Variants in IKZF3 observed in about 807,000 individuals in gnomAD.
The protein encoded by IKZF3 is IKAROS family zinc finger 3.
In IKZF3, 10 loss-of-function variants were observed where a neutral mutation model predicts 49.0. The ratio of observed to expected loss-of-function variants is 0.20; its 90% CI spans 0.13 to 0.35. The LOEUF is 0.35. Ranked by LOEUF, IKZF3 falls within the 10% of genes least tolerant of loss-of-function variation. The probability of loss-of-function intolerance (pLI) is 1.00; values close to 1 mark genes in which losing one functional copy is unlikely to be tolerated. For synonymous variants in IKZF3, 209 were observed against 228.2 expected, an observed-to-expected ratio of 0.92 and a Z score of 0.76; for missense variants, 498 against 664.8, an observed-to-expected ratio of 0.75 and a Z score of 2.76.
chr17:39,797,354 T>C (rs1277581155), intron 3 of IKZF3, among the ~76,000 whole-genome samples: 1 of 152,116 alleles, frequency 6.6e-6, no homozygotes, highest in East Asian at 1.9e-4. Flanking sequence ...TCCAACTTCT[T>C]TGTAATCCTC....
At chr17:39,779,917 G>T (rs1158229221) in intron 6 of IKZF3, among the ~76,000 whole-genome samples, 2 of 152,162 alleles carry the variant, frequency 1.3e-5, no homozygotes, top group Non-Finnish European at 2.9e-5. Flanking sequence ...AAAGCAAGTA[G>T]TGGCTGGCAC....
intron 1 of IKZF3, among the ~76,000 whole-genome samples, chr17:39,862,244 A>T (rs922701127): frequency 6.6e-6 from 1 of 151,992 alleles, no homozygotes; most frequent in Admixed American, 6.6e-5. Flanking sequence ...ATTAATTAAA[A>T]GATAAATGAA....
chr17:39,832,946 TTATA>T (rs1401832775), intron 1 of IKZF3, among the ~76,000 whole-genome samples: 1 of 152,188 alleles, frequency 6.6e-6, no homozygotes, highest in Admixed American at 6.5e-5. Context: ...GACTTGATTA[TTATA>T]TATTCTATGC....
chr17:39,859,820 C>A (rs1450909069), intron 1 of IKZF3, among the ~76,000 whole-genome samples: 2 of 152,168 alleles, frequency 1.3e-5, no homozygotes, highest in African/African-American at 4.8e-5. Flanking sequence ...ATTAATGAAT[C>A]CTTAGGACAA....
At chr17:39,792,381 A>C (rs2061046880) in intron 4 of IKZF3, among the ~76,000 whole-genome samples, 1 of 152,250 alleles carries the variant, frequency 6.6e-6, no homozygotes, top group South Asian at 2.1e-4. Flanking sequence ...CTAAGAAGCA[A>C]ATCACACAAT....
intron 3 of IKZF3, among the ~76,000 whole-genome samples, chr17:39,817,311 C>T (rs1161691573): frequency 1.3e-5 from 2 of 152,136 alleles, no homozygotes; most frequent in Non-Finnish European, 2.9e-5. Context: ...TTTCAAATGA[C>T]ATTAAAAAAT....
At position 39,760,620 on chromosome 17, in the gene IKZF3, G is replaced by A. The variant is rs2060161287; in HGVS notation, c.*5170C>T. On this transcript the variant is annotated 3_prime_UTR_variant, in exon 8 of 8. Transcript: ENST00000346872. ...ATTACAGGCGTGAGCCACCGCACCT[G>A]ACCCTCCTTAAAACATTCTAAACCT... is the stretch of plus-strand genomic sequence containing the variant. 2 of 152,312 alleles carry A rather than the reference G, an allele frequency of 1.3e-5. No individual in the cohort carries two copies. Among genetic ancestry groups the A allele is most frequent in the Non-Finnish European group, 2.9e-5 (2 of 68,150 alleles). 9.4% of individuals were successfully genotyped at this position (152,312 alleles called of 1,614,324 possible). A position where few individuals can be genotyped will look rare whatever the true frequency, so the allele number is the denominator to read the frequency against.
intron 1 of IKZF3, among the ~76,000 whole-genome samples, chr17:39,851,304 C>T (rs904846065): frequency 1.3e-5 from 2 of 152,022 alleles, no homozygotes; most frequent in Non-Finnish European, 2.9e-5. Context: ...GCTGGAATTA[C>T]AGGCGTGAGC....
chr17:39,839,784 C>T (rs1424341518), intron 1 of IKZF3, among the ~76,000 whole-genome samples: 1 of 151,880 alleles, frequency 6.6e-6, no homozygotes, highest in Non-Finnish European at 1.5e-5. Flanking sequence ...CTTAGCCTCT[C>T]GAGTAGCTGG....
chr17:39,832,404 G>A (rs572103657), intron 1 of IKZF3, among the ~76,000 whole-genome samples: 47 of 151,682 alleles, frequency 3.1e-4, no homozygotes, highest in South Asian at 6.2e-4. Context: ...TATGCAAAAA[G>A]TGGGTTCCAT....
At chr17:39,851,185 C>G (rs1333005916) in intron 1 of IKZF3, among the ~76,000 whole-genome samples, 1 of 151,362 alleles carries the variant, frequency 6.6e-6, no homozygotes. Context: ...ATGACTAGGC[C>G]TGGCTGATTT....
At chr17:39,793,140 A>C (rs1351323724) in intron 3 of IKZF3, among the ~76,000 whole-genome samples, 1 of 152,228 alleles carries the variant, frequency 6.6e-6, no homozygotes, top group African/African-American at 2.4e-5. Context: ...ACATACTTAC[A>C]CACATAAAAA....
At chr17:39,794,996 TC>T (rs1392531256) in intron 3 of IKZF3, among the ~76,000 whole-genome samples, 1 of 152,148 alleles carries the variant, frequency 6.6e-6, no homozygotes, top group Non-Finnish European at 1.5e-5. Flanking sequence ...CAGAAAAGGA[TC>T]CTTTCCATTT....
chr17:39,862,866 T>G (rs910727291), intron 1 of IKZF3, among the ~76,000 whole-genome samples: 1 of 152,178 alleles, frequency 6.6e-6, no homozygotes, highest in African/African-American at 2.4e-5. Context: ...TATTGCACAT[T>G]AAATAAATGA....
At chr17:39,836,123 TCTC>T in intron 1 of IKZF3, 1 of 656,760 alleles carries the variant, frequency 1.5e-6, no homozygotes. Flanking sequence ...ATCTGCTCCT[TCTC>T]CTGAGTGCAC....
rs979050511 is a variant in IKZF3 at position 39,795,737 on chromosome 17, G to C, written c.164-2804C>G. Among the ~76,000 whole-genome samples the C allele has an allele frequency of 4.0e-5, 6 of 150,878 alleles. No homozygotes were observed. In the South Asian group the frequency reaches 1.1e-3, roughly 27 times the overall value. On this transcript the variant is annotated intron_variant, in intron 3 of 7. Transcript: ENST00000346872. Reference sequence around the variant, plus strand: ...CTAATTTATTCTAATATTCAACTCTGTTACCTTCTCAAGGTAAGCCATAAT... The same window carrying C: ...CTAATTTATTCTAATATTCAACTCTCTTACCTTCTCAAGGTAAGCCATAAT...
At chr17:39,851,231 G>T (rs2062866291) in intron 1 of IKZF3, among the ~76,000 whole-genome samples, 1 of 151,702 alleles carries the variant, frequency 6.6e-6, no homozygotes, top group Admixed American at 6.6e-5. Flanking sequence ...GTTTCACCAT[G>T]TTGCTCAGGG....
At chr17:39,796,456 C>T (rs534583393) in intron 3 of IKZF3, among the ~76,000 whole-genome samples, 1 of 152,038 alleles carries the variant, frequency 6.6e-6, no homozygotes, top group African/African-American at 2.4e-5. Context: ...TCTCTAGGTG[C>T]CAACTCCTCT....
intron 3 of IKZF3, among the ~76,000 whole-genome samples, chr17:39,793,763 G>A (rs1027556536): frequency 6.6e-6 from 1 of 152,142 alleles, no homozygotes; most frequent in African/African-American, 2.4e-5. Context: ...GGCTGACCAA[G>A]TACTATCTTA....
Sources: allele counts gnomAD v4.1 joint callset (sites outside exome capture counted in the v4.1 genomes callset), GRCh38; gene constraint gnomAD v4.1.1; transcripts MANE v1.5; gene names NCBI Gene and HGNC (gene_info 2026-07-23, HGNC 2026-07-21).